ADK: variants seen among roughly 807,000 people sequenced by gnomAD.
ADK encodes N6,N6-dimethyladenosine kinase.
Under a neutral mutation model 44.7 loss-of-function variants are expected in ADK, and 24 were observed. The observed-to-expected ratio is 0.54, with a 90% CI of 0.39 to 0.76. The LOEUF (loss-of-function observed/expected upper bound fraction) is 0.76. Ranked by LOEUF, ADK falls within the 30% of genes least tolerant of loss-of-function variation. ADK has a pLI of 0.00. For synonymous variants in ADK, 128 were observed against 142.6 expected (o/e 0.90, Z 0.73); for missense variants, 321 against 425.1 (o/e 0.76, Z 2.15).
At chr10:74,172,870 C>T (rs1459845219) in intron 1 of ADK, among the ~76,000 whole-genome samples, 3 of 148,710 alleles carry the variant, frequency 2.0e-5, no homozygotes, top group Non-Finnish European at 4.4e-5. Context: ...TGCACCACTG[C>T]CCTCCAGCTT....
chr10:74,213,379 A>G (rs1843895914), intron 2 of ADK, among the ~76,000 whole-genome samples: 1 of 152,170 alleles, frequency 6.6e-6, no homozygotes, highest in Non-Finnish European at 1.5e-5. Context: ...TACACATGTG[A>G]GCTACAGTGC....
chr10:74,558,060 T>C (rs546595984), intron 7 of ADK, among the ~76,000 whole-genome samples: 91 of 152,216 alleles, frequency 6.0e-4, no homozygotes, highest in South Asian at 3.3e-3. Flanking sequence ...TTTAGGAAAT[T>C]GATAGCCCAC....
chr10:74,486,398 C>A (rs1467777630), intron 6 of ADK, among the ~76,000 whole-genome samples: 2 of 152,058 alleles, frequency 1.3e-5, no homozygotes, highest in African/African-American at 4.8e-5. Flanking sequence ...CAGACTAATA[C>A]AACTGGATAT....
intron 4 of ADK, among the ~76,000 whole-genome samples, chr10:74,341,381 C>CTGGGTGTGTTGGCGGGT (rs1220331604): frequency 1.9e-3 from 290 of 151,192 alleles, no homozygotes; most frequent in African/African-American, 6.8e-3. Context: ...AAAAAATTAG[C>CTGGGTGTGTTGGCGGGT]TGGGTGTGTT....
chr10:74,176,764 G>A, intron 1 of ADK: 2 of 1,563,732 alleles, frequency 1.3e-6, no homozygotes, highest in South Asian at 1.1e-5. Flanking sequence ...CGCGCTCCCA[G>A]TCGCTGAGTG....
At chr10:74,430,706 A>G (rs1844954057) in intron 6 of ADK, among the ~76,000 whole-genome samples, 1 of 152,142 alleles carries the variant, frequency 6.6e-6, no homozygotes, top group Non-Finnish European at 1.5e-5. Flanking sequence ...TAGGGAATAA[A>G]TAGTAGAGAA....
At chr10:74,380,745 G>A (rs1160806241) in intron 4 of ADK, among the ~76,000 whole-genome samples, 1 of 152,032 alleles carries the variant, frequency 6.6e-6, no homozygotes, top group African/African-American at 2.4e-5. Flanking sequence ...GCGACAGAGT[G>A]AGACCCTGTC....
chr10:74,448,339 C>A (rs991296911), intron 6 of ADK, among the ~76,000 whole-genome samples: 1 of 152,088 alleles, frequency 6.6e-6, no homozygotes, highest in African/African-American at 2.4e-5. Context: ...ATTATGCCAC[C>A]TATTAGCCGT....
chr10:74,281,570 G>A (rs1009204899), intron 3 of ADK, among the ~76,000 whole-genome samples: 5 of 152,124 alleles, frequency 3.3e-5, no homozygotes, highest in African/African-American at 1.2e-4. Flanking sequence ...ATCTTGATGA[G>A]GCATCATAAA....
intron 6 of ADK, among the ~76,000 whole-genome samples, chr10:74,483,717 C>G (rs1006397336): frequency 5.3e-5 from 8 of 152,152 alleles, no homozygotes; most frequent in African/African-American, 1.9e-4. Flanking sequence ...CTCCCAGATA[C>G]CATAAATCAT....
intron 4 of ADK, 103 bp from the exon 5 acceptor site, chr10:74,394,038 T>A (rs1334634028): frequency 1.7e-6 from 2 of 1,191,290 alleles, no homozygotes; most frequent in African/African-American, 1.5e-5. Context: ...ACAGCTACAG[T>A]TTCTCACAAA....
At chr10:74,464,357 G>A (rs1250551697) in intron 6 of ADK, among the ~76,000 whole-genome samples, 1 of 151,772 alleles carries the variant, frequency 6.6e-6, no homozygotes, top group Non-Finnish European at 1.5e-5. Flanking sequence ...GACCAGCCTG[G>A]GCAACATAGG....
intron 6 of ADK, among the ~76,000 whole-genome samples, chr10:74,522,470 G>A (rs1307776088): frequency 6.6e-6 from 1 of 152,124 alleles, no homozygotes; most frequent in African/African-American, 2.4e-5. Context: ...TCTGGGCCCT[G>A]ACACAATTAT....
chr10:74,270,063 C>T (rs750418575), intron 3 of ADK, among the ~76,000 whole-genome samples: 7 of 151,954 alleles, frequency 4.6e-5, no homozygotes, highest in South Asian at 2.1e-4. Context: ...GATATTAGTC[C>T]GATGGTAATT....
At chr10:74,454,835 G>A (rs1845887522) in intron 6 of ADK, among the ~76,000 whole-genome samples, 1 of 152,108 alleles carries the variant, frequency 6.6e-6, no homozygotes, top group Non-Finnish European at 1.5e-5. Flanking sequence ...AGGCCTTTTT[G>A]TTTGGATTCC....
rs187615568 is a variant in ADK, at chr10:74,340,889, T to C, written c.273+26144T>C. 3.3e-5 allele frequency among the ~76,000 whole-genome samples: 5 copies of C among 152,334 alleles called. No individual in the cohort carries two copies. In the East Asian group the frequency reaches 9.6e-4, roughly 29 times the overall value. On this transcript the variant is annotated intron_variant, in intron 4 of 10. Coordinates refer to ENST00000539909, the MANE Select transcript of ADK (RefSeq NM_006721.4). ...CATTTATATCAGGCATAGTACAATA[T>C]GTAGAATGTTATTGGAACATTGGAA...
chr10:74,364,689 TGTGTG>T, intron 4 of ADK, among the ~76,000 whole-genome samples: 1 of 5,264 alleles, frequency 1.9e-4, no homozygotes, highest in Non-Finnish European at 6.5e-4. Context: ...AAGGCTATGG[TGTGTG>T]TGTGTGTGTG....
At chr10:74,580,432 A>G (rs569763081) in intron 7 of ADK, among the ~76,000 whole-genome samples, 1 of 152,154 alleles carries the variant, frequency 6.6e-6, no homozygotes, top group East Asian at 1.9e-4. Context: ...AAAATTAGCC[A>G]GGCATGGTGG....
intron 9 of ADK, among the ~76,000 whole-genome samples, chr10:74,645,758 T>C (rs529579686): frequency 6.6e-6 from 1 of 152,362 alleles, no homozygotes; most frequent in African/African-American, 2.4e-5. Context: ...GTTTGTCTAA[T>C]ACATTGTTGT....
Sources: allele counts gnomAD v4.1 joint callset (sites outside exome capture counted in the v4.1 genomes callset), GRCh38; gene constraint gnomAD v4.1.1; transcripts MANE v1.5; gene names NCBI Gene and HGNC (gene_info 2026-07-23, HGNC 2026-07-21).